FAM135B: variants seen among roughly 807,000 people sequenced by gnomAD.
The protein encoded by FAM135B is family with sequence similarity 135 member B, also known as protein FAM135B.
Under a neutral mutation model 127.7 loss-of-function variants are expected in FAM135B, and 43 were observed. The observed-to-expected ratio is 0.34, with a 90% CI of 0.26 to 0.43. FAM135B has a LOEUF of 0.43. Ranked by LOEUF, FAM135B falls within the 20% of genes least tolerant of loss-of-function variation. The probability of loss-of-function intolerance (pLI) is 1.00; values close to 1 mark genes in which losing one functional copy is unlikely to be tolerated. For missense variants in FAM135B, 1,558 were observed against 1,725.6 expected (o/e 0.90, Z 1.72); for synonymous variants, 670 against 665.1 (o/e 1.01, Z -0.11).
intron 1 of FAM135B, among the ~76,000 whole-genome samples, chr8:138,454,329 C>G (rs549869337): frequency 6.6e-6 from 1 of 152,212 alleles, no homozygotes; most frequent in South Asian, 2.1e-4. Flanking sequence ...GACCCATTTT[C>G]TCCTTCATTC....
intron 7 of FAM135B, among the ~76,000 whole-genome samples, chr8:138,202,353 G>A (rs1817206472): frequency 6.6e-6 from 1 of 151,994 alleles, no homozygotes; most frequent in Admixed American, 6.6e-5. Flanking sequence ...AAGAGCAAGT[G>A]ATCCTTCCAC....
chr8:138,471,132 C>T (rs1301356695), intron 1 of FAM135B, among the ~76,000 whole-genome samples: 2 of 152,124 alleles, frequency 1.3e-5, no homozygotes. Context: ...GGCAGGATAT[C>T]GTCTCCATTC....
At chr8:138,229,755 T>A (rs904734846) in intron 7 of FAM135B, among the ~76,000 whole-genome samples, 1 of 152,144 alleles carries the variant, frequency 6.6e-6, no homozygotes, top group Non-Finnish European at 1.5e-5. Context: ...TGGGGAGGCC[T>A]CAAGAAACTT....
chr8:138,406,036 C>A (rs1057424818), intron 1 of FAM135B, among the ~76,000 whole-genome samples: 2 of 65,008 alleles, frequency 3.1e-5, no homozygotes, highest in Non-Finnish European at 5.6e-5. Context: ...CGGTTCATAT[C>A]CTTTGCCTAC....
At chr8:138,390,505 C>T (rs1287309881) in intron 1 of FAM135B, among the ~76,000 whole-genome samples, 1 of 152,154 alleles carries the variant, frequency 6.6e-6, no homozygotes, top group African/African-American at 2.4e-5. Context: ...ATTACCTAGT[C>T]TCAGGTCTAT....
chr8:138,237,405 C>T (rs1820386164), intron 7 of FAM135B, among the ~76,000 whole-genome samples: 1 of 152,078 alleles, frequency 6.6e-6, no homozygotes, highest in Non-Finnish European at 1.5e-5. Flanking sequence ...TGGTGATCTG[C>T]CCGCCTCGGC....
At chr8:138,193,189 C>T (rs930877504) in intron 9 of FAM135B, among the ~76,000 whole-genome samples, 1 of 152,206 alleles carries the variant, frequency 6.6e-6, no homozygotes, top group Non-Finnish European at 1.5e-5. Context: ...GCACCGATTC[C>T]TCCCACCACT....
At chr8:138,281,109 A>G (rs1487772371) in intron 3 of FAM135B, among the ~76,000 whole-genome samples, 1 of 152,184 alleles carries the variant, frequency 6.6e-6, no homozygotes, top group African/African-American at 2.4e-5. Flanking sequence ...GAAAAAAAAC[A>G]GGCTGAAGGC....
At chr8:138,359,210 T>C (rs1830264515) in intron 2 of FAM135B, among the ~76,000 whole-genome samples, 1 of 152,150 alleles carries the variant, frequency 6.6e-6, no homozygotes, top group Admixed American at 6.5e-5. Flanking sequence ...AAATAATATT[T>C]ATGGAATTTT....
chr8:138,198,762 G>A (rs1479137943), intron 7 of FAM135B, among the ~76,000 whole-genome samples: 1 of 152,126 alleles, frequency 6.6e-6, no homozygotes, highest in Non-Finnish European at 1.5e-5. Flanking sequence ...TGAAAAGGAA[G>A]GAACAGGACA....
chr8:138,412,786 T>C lies in FAM135B; in HGVS notation c.-19-44784A>G, dbSNP rs1229141357. Among the ~76,000 whole-genome samples, 4 of 152,324 alleles carry C rather than the reference T, an allele frequency of 2.6e-5. No homozygotes were observed. The South Asian group carries it at 8.3e-4, about 32-fold the overall frequency. Reference sequence around the variant, plus strand: ...TCTTACTGCTTTTCAGGAACTGTTGTATGGTAACTGTGAAAGTATGCAACA... The same window carrying C: ...TCTTACTGCTTTTCAGGAACTGTTGCATGGTAACTGTGAAAGTATGCAACA... On this transcript the variant is annotated intron_variant, in intron 1 of 19. Transcript: ENST00000395297.
chr8:138,156,421 C>A (rs551389020), intron 12 of FAM135B, among the ~76,000 whole-genome samples: 32 of 152,142 alleles, frequency 2.1e-4, no homozygotes, highest in Non-Finnish European at 4.0e-4. Context: ...CAAAAGCTAG[C>A]AGAAGGCAAG....
At chr8:138,355,452 A>G (rs758675201) in intron 2 of FAM135B, among the ~76,000 whole-genome samples, 12 of 108,838 alleles carry the variant, frequency 1.1e-4, no homozygotes, top group Non-Finnish European at 1.9e-4. Context: ...CATTATTCTC[A>G]GCAAACTATC....
intron 2 of FAM135B, among the ~76,000 whole-genome samples, chr8:138,316,464 C>T (rs185406134): frequency 6.7e-6 from 1 of 149,720 alleles, no homozygotes; most frequent in Non-Finnish European, 1.5e-5. Flanking sequence ...ACAGCACTCC[C>T]GCCTGGGCGA....
intron 1 of FAM135B, among the ~76,000 whole-genome samples, chr8:138,393,556 TG>T (rs1453485270): frequency 1.3e-5 from 2 of 152,128 alleles, no homozygotes; most frequent in African/African-American, 4.8e-5. Flanking sequence ...GCTTACGGGC[TG>T]GGGGAGGGGT....
At position 138,146,031 on chromosome 8, in the gene FAM135B, C is replaced by T. The variant is rs147305959; in HGVS notation, c.3468G>A (p.Arg1156=). 739 of 1,606,116 alleles carry T rather than the reference C, an allele frequency of 4.6e-4. 5 individuals carry two copies. The Middle Eastern group carries it at 6.6e-3, about 14-fold the overall frequency. Residue 1156 remains arginine (R), a synonymous_variant, in exon 15 of 20, where the codon CGG becomes CGA. Coordinates refer to ENST00000395297, the MANE Select transcript of FAM135B (RefSeq NM_015912.4). ...HGLDGNSADL[R]LVKTFIELGL... Reference sequence around the variant, plus strand: ...CCAGTTCTATGAAAGTCTTTACCAGCCGGAGGTCTGCACTGTTCCCTAAAA... The same window carrying T: ...CCAGTTCTATGAAAGTCTTTACCAGTCGGAGGTCTGCACTGTTCCCTAAAA...
chr8:138,439,053 A>G (rs1414028076), intron 1 of FAM135B: 1 of 152,134 alleles, frequency 6.6e-6, no homozygotes, highest in African/African-American at 2.4e-5. Flanking sequence ...TCACCAGGCT[A>G]TTAGCCTTTA....
chr8:138,445,606 C>G (rs537024294), intron 1 of FAM135B, among the ~76,000 whole-genome samples: 12 of 152,110 alleles, frequency 7.9e-5, no homozygotes, highest in East Asian at 3.9e-4. Flanking sequence ...TTCAACAACC[C>G]TTCATGCTAA....
At chr8:138,326,391 G>A (rs1043152204) in intron 2 of FAM135B, among the ~76,000 whole-genome samples, 4 of 152,172 alleles carry the variant, frequency 2.6e-5, no homozygotes, top group South Asian at 4.1e-4. Flanking sequence ...GGATTCAAGG[G>A]AGCATTTGAT....
Sources: allele counts gnomAD v4.1 joint callset (sites outside exome capture counted in the v4.1 genomes callset), GRCh38; gene constraint gnomAD v4.1.1; transcripts MANE v1.5; gene names NCBI Gene and HGNC (gene_info 2026-07-23, HGNC 2026-07-21).